The following CFAP299 variants were observed in gnomAD, a reference collection of about 807,000 sequenced individuals.
CFAP299 encodes the protein cilia and flagella associated protein 299.
Under a neutral mutation model 27.0 loss-of-function variants are expected in CFAP299, and 21 were observed. The observed-to-expected ratio is 0.78, with a 90% confidence interval of 0.55 to 1.12. The LOEUF (loss-of-function observed/expected upper bound fraction) is 1.12, where lower values mean the gene tolerates loss of function less well. Ranked by LOEUF, CFAP299 falls within the 50% of genes most tolerant of loss-of-function variation. CFAP299 has a pLI of 0.00. For synonymous variants in CFAP299, 104 were observed against 98.1 expected (o/e 1.06, Z -0.36); for missense variants, 310 against 276.6 (o/e 1.12, Z -0.86).
intron 2 of CFAP299, among the ~76,000 whole-genome samples, chr4:80,363,647 C>T (rs564786418): frequency 2.6e-5 from 4 of 152,204 alleles, no homozygotes; most frequent in African/African-American, 9.6e-5. Flanking sequence ...GTGCTTTGGT[C>T]TTGGGAATAT....
intron 3 of CFAP299, among the ~76,000 whole-genome samples, chr4:80,794,463 G>A (rs114072381): frequency 3.3e-5 from 5 of 152,056 alleles, no homozygotes; most frequent in Non-Finnish European, 7.4e-5. Context: ...TGATTCACGG[G>A]TCTTCTGGAG....
chr4:80,533,582 A>C (rs13129636), intron 2 of CFAP299, among the ~76,000 whole-genome samples: 13,891 of 152,286 alleles, frequency 0.091, 691 homozygotes, highest in Middle Eastern at 0.2. Context: ...AGTTTAAAAA[A>C]GGATTGCAGA....
chr4:80,536,333 C>T (rs1733737605), intron 2 of CFAP299, among the ~76,000 whole-genome samples: 1 of 152,150 alleles, frequency 6.6e-6, no homozygotes, highest in African/African-American at 2.4e-5. Context: ...TTTAATAAAT[C>T]TGTGATTTGT....
intron 4 of CFAP299, among the ~76,000 whole-genome samples, chr4:80,901,899 C>G (rs533117453): frequency 6.6e-6 from 1 of 152,134 alleles, no homozygotes; most frequent in East Asian, 1.9e-4. Flanking sequence ...GAGTTTTTCC[C>G]CGTCCTCCTA....
intron 3 of CFAP299, among the ~76,000 whole-genome samples, chr4:80,656,301 G>A (rs1166757730): frequency 1.3e-5 from 2 of 152,020 alleles, no homozygotes; most frequent in South Asian, 2.1e-4. Flanking sequence ...AGGTATACAC[G>A]TGCCATGGTG....
At chr4:80,332,734 G>A (rs1721985169), upstream of CFAP299, among the ~76,000 whole-genome samples, 1 of 152,154 alleles carries the variant, frequency 6.6e-6, no homozygotes, top group Non-Finnish European at 1.5e-5. Flanking sequence ...AACATAGATT[G>A]TAGGGCAATG....
intron 4 of CFAP299, among the ~76,000 whole-genome samples, chr4:80,894,124 C>A (rs1734490941): frequency 6.6e-6 from 1 of 151,752 alleles, no homozygotes. Context: ...GGTGCCCAAC[C>A]TCACTAATCA....
chr4:80,598,743 C>T (rs1156677039), intron 3 of CFAP299, among the ~76,000 whole-genome samples: 1 of 152,196 alleles, frequency 6.6e-6, no homozygotes, highest in Non-Finnish European at 1.5e-5. Flanking sequence ...CCTTCCTCCT[C>T]TAGGTGACAT....
intron 3 of CFAP299, among the ~76,000 whole-genome samples, chr4:80,614,161 A>G (rs1427372139): frequency 6.6e-6 from 1 of 152,148 alleles, no homozygotes; most frequent in African/African-American, 2.4e-5. Context: ...ATTTACTCCA[A>G]CAGAATGTTG....
chr4:80,635,809 T>C (rs1739444268), intron 3 of CFAP299, among the ~76,000 whole-genome samples: 1 of 152,194 alleles, frequency 6.6e-6, no homozygotes, highest in Non-Finnish European at 1.5e-5. Context: ...CATTTATTTT[T>C]CAGTTAGTAT....
chr4:80,467,468 C>T (rs78445292), intron 2 of CFAP299, among the ~76,000 whole-genome samples: 2,112 of 152,236 alleles, frequency 0.014, 43 homozygotes, highest in African/African-American at 0.049. Context: ...CAACATTCCC[C>T]ACTCTACCTT....
At chr4:80,502,662 C>T (rs1731802193) in intron 2 of CFAP299, among the ~76,000 whole-genome samples, 1 of 152,052 alleles carries the variant, frequency 6.6e-6, no homozygotes, top group Non-Finnish European at 1.5e-5. Flanking sequence ...CTGTCTGCTT[C>T]CGTGGATTCT....
intron 3 of CFAP299, among the ~76,000 whole-genome samples, chr4:80,799,952 T>TATATAAATATA (rs1315364952): frequency 6.2e-5 from 3 of 48,234 alleles, no homozygotes; most frequent in Non-Finnish European, 1.0e-4. Context: ...ATATAAATAT[T>TATATAAATATA]ATATAAATAT....
chr4:80,799,991 A>C (rs1217719140), intron 3 of CFAP299, among the ~76,000 whole-genome samples: 6 of 59,474 alleles, frequency 1.0e-4, no homozygotes, highest in African/African-American at 4.2e-4. Context: ...TATATGTAAT[A>C]TATATTATGA....
At chr4:80,592,838 C>A (rs1188085751) in intron 3 of CFAP299, among the ~76,000 whole-genome samples, 3 of 152,098 alleles carry the variant, frequency 2.0e-5, no homozygotes, top group Non-Finnish European at 4.4e-5. Flanking sequence ...TCTGATTTTC[C>A]AGTTGAATAT....
At position 80,708,178 on chromosome 4, in the gene CFAP299, C is replaced by T. The variant is rs549735719; in HGVS notation, c.333+124995C>T. On this transcript the variant is annotated intron_variant, in intron 3 of 5. Coordinates refer to ENST00000358105, the MANE Select transcript of CFAP299 (RefSeq NM_152770.3). ...AAGTTCCTTCATTTGTTTTGATTTT[C>T]ATAGTTTGACCAGTAGATGGATACA... 1.4e-4 allele frequency among the ~76,000 whole-genome samples: 21 copies of T among 152,080 alleles called. 1 individual carries two copies. The highest frequency in any genetic ancestry group is 5.1e-4 in the African/African-American group (21 of 41,508).
intron 3 of CFAP299, among the ~76,000 whole-genome samples, chr4:80,809,291 G>A (rs1387424690): frequency 3.9e-5 from 6 of 152,240 alleles, no homozygotes; most frequent in African/African-American, 7.2e-5. Context: ...TGTTGATAGC[G>A]TATTATAGCT....
chr4:80,934,832 A>G (rs1193747378), intron 4 of CFAP299, among the ~76,000 whole-genome samples: 1 of 151,918 alleles, frequency 6.6e-6, no homozygotes. Flanking sequence ...TCTAACAGCC[A>G]GCTTTTGGTT....
chr4:80,540,569 C>A (rs1025217843), intron 2 of CFAP299, among the ~76,000 whole-genome samples: 1 of 152,030 alleles, frequency 6.6e-6, no homozygotes, highest in African/African-American at 2.4e-5. Flanking sequence ...TTATAATGAG[C>A]CCCTTTAGCT....
Sources: allele counts gnomAD v4.1 joint callset (sites outside exome capture counted in the v4.1 genomes callset), GRCh38; gene constraint gnomAD v4.1.1; transcripts MANE v1.5; gene names NCBI Gene and HGNC (gene_info 2026-07-23, HGNC 2026-07-21).